SHANK2: variants seen among roughly 807,000 people sequenced by gnomAD.
The protein encoded by SHANK2 is SH3 and multiple ankyrin repeat domains 2.
SHANK2 carries 43 observed loss-of-function variants against 133.7 expected under a neutral mutation model. That is an observed-to-expected ratio of 0.32 (90% CI 0.25 to 0.41). The LOEUF is 0.41. SHANK2 is among the 10% of genes least tolerant of loss of function. The pLI, the probability that SHANK2 is intolerant of heterozygous loss-of-function variation, is 1.00. For missense variants in SHANK2, 1,994 were observed against 2,235.8 expected, an observed-to-expected ratio of 0.89 and a Z score of 2.18; for synonymous variants, 1,017 against 952.8, an observed-to-expected ratio of 1.07 and a Z score of -1.24.
intron 2 of SHANK2, among the ~76,000 whole-genome samples, chr11:71,190,571 G>T (rs1201854219): frequency 6.6e-6 from 1 of 152,212 alleles, no homozygotes; most frequent in African/African-American, 2.4e-5. Flanking sequence ...GAGAAAGTGC[G>T]TCACCACCCA....
At chr11:71,150,050 A>G (rs1383288263) in intron 2 of SHANK2, among the ~76,000 whole-genome samples, 1 of 838 alleles carries the variant, frequency 1.2e-3, no homozygotes, top group Non-Finnish European at 2.1e-3. Flanking sequence ...GGGAGAGGAA[A>G]GGAGGGAGGG....
intron 2 of SHANK2, among the ~76,000 whole-genome samples, chr11:71,214,044 C>T (rs1328818601): frequency 6.6e-6 from 1 of 152,140 alleles, no homozygotes; most frequent in African/African-American, 2.4e-5. Context: ...GCAAAGACCT[C>T]CCCTACAGCC....
intron 17 of SHANK2, among the ~76,000 whole-genome samples, chr11:70,533,767 C>T (rs1383145139): frequency 6.6e-6 from 1 of 152,108 alleles, no homozygotes; most frequent in African/African-American, 2.4e-5. Context: ...AAACCCCCTA[C>T]CCATTAGCAG....
At chr11:70,690,335 G>A (rs1555020645) in intron 15 of SHANK2, among the ~76,000 whole-genome samples, 2 of 151,752 alleles carry the variant, frequency 1.3e-5, no homozygotes, top group African/African-American at 2.4e-5. Flanking sequence ...CTAATATTAA[G>A]CTGAAATGTA....
Position 70,487,870 on chromosome 11 carries a change from G to A in SHANK2, c.2573-150C>T. 1.4e-6 allele frequency: 2 copies of A among 1,480,486 alleles called. No individual in the cohort carries two copies. Among genetic ancestry groups the A allele is most frequent in the Non-Finnish European group, 1.8e-6 (2 of 1,092,242 alleles). 91.7% of individuals were successfully genotyped at this position (1,480,486 alleles called of 1,614,324 possible). A position where few individuals can be genotyped will look rare whatever the true frequency, so the allele number is the denominator to read the frequency against. ...AACACAGCACAAGCCACGATGCCGA[G>A]TGGTTAGTCACATGGCCCGTCGTGA... On this transcript the variant is annotated intron_variant, in intron 24 of 25. Coordinates refer to ENST00000601538, the MANE Select transcript of SHANK2 (RefSeq NM_012309.5). The surrounding 1 kb of genome is among the most constrained non-coding windows in gnomAD (Gnocchi z 5.8).
intron 17 of SHANK2, among the ~76,000 whole-genome samples, chr11:70,544,900 G>A (rs1554975933): frequency 6.6e-6 from 1 of 152,236 alleles, no homozygotes; most frequent in Admixed American, 6.5e-5. Context: ...GAGCCCACGT[G>A]AGCACCAAGG....
chr11:70,776,716 G>A (rs1947371400), intron 14 of SHANK2, among the ~76,000 whole-genome samples: 1 of 144,774 alleles, frequency 6.9e-6, no homozygotes, highest in Admixed American at 6.8e-5. Context: ...ACCTAACTGG[G>A]TGGGTCTTAC....
chr11:70,930,112 A>G lies in SHANK2; in HGVS notation c.1108-33545T>C, dbSNP rs147664192. Among the ~76,000 whole-genome samples the G allele has an allele frequency of 1.6e-4, 25 of 152,342 alleles. No individual in the cohort carries two copies. In the East Asian group the frequency reaches 4.8e-3, roughly 29 times the overall value. ...CCAGAAAATTTTTATTTACAAAGATAAGGCTACGGGCCAAGTGCAGGACCT... is the reference window on the plus strand; with the variant it reads ...CCAGAAAATTTTTATTTACAAAGATGAGGCTACGGGCCAAGTGCAGGACCT... On this transcript the variant is annotated intron_variant, in intron 10 of 25. Transcript: ENST00000601538.
At chr11:70,866,364 T>C (rs1949359450) in intron 11 of SHANK2, among the ~76,000 whole-genome samples, 1 of 152,126 alleles carries the variant, frequency 6.6e-6, no homozygotes. Flanking sequence ...GAACCGAGAC[T>C]CATTTTTGAG....
At position 70,490,371 on chromosome 11, in the gene SHANK2, T is replaced by G. The variant is rs1555155500; in HGVS notation, c.2456A>C (p.Gln819Pro). ...GSDMNSVYERQGIAVMTPTVP... is the reference protein window; with the variant it reads ...GSDMNSVYERPGIAVMTPTVP... ...AGTGGGCGTCATCACGGCGATTCCT[T>G]GGCGTTCGTACACAGACTGCAAACC... The change falls in exon 23 of 26, where the codon CAA becomes CCA. Residue 819 changes from glutamine (Q) to proline (P), a missense_variant. Coordinates refer to ENST00000601538, the MANE Select transcript of SHANK2 (RefSeq NM_012309.5). The G allele has an allele frequency of 6.2e-7, 1 of 1,614,148 alleles. No homozygotes were observed. The highest frequency in any genetic ancestry group is 1.1e-5 in the South Asian group (1 of 91,088).
chr11:70,471,584 C>G lies in SHANK2; in HGVS notation c.*1285G>C. 1 of 395,586 alleles carries G rather than the reference C, an allele frequency of 2.5e-6. No homozygotes were observed. The highest frequency in any genetic ancestry group is 4.4e-6 in the Non-Finnish European group (1 of 224,768). 24.5% of individuals were successfully genotyped at this position (395,586 alleles called of 1,614,324 possible). A position where few individuals can be genotyped will look rare whatever the true frequency, so the allele number is the denominator to read the frequency against. ...CTCTGCTTTCACTCTGATCCTGCCG[C>G]CCACCTTCTGTTCTCAACCCTGGGT... On this transcript the variant is annotated 3_prime_UTR_variant, in exon 26 of 26. Transcript: ENST00000601538. The surrounding 1 kb of genome is among the most constrained non-coding windows in gnomAD (Gnocchi z 4.1).
At chr11:71,167,762 A>G (rs1590980792) in intron 2 of SHANK2, among the ~76,000 whole-genome samples, 1 of 117,288 alleles carries the variant, frequency 8.5e-6, no homozygotes, top group Non-Finnish European at 1.8e-5. Flanking sequence ...GGCGTCCCTC[A>G]CCTCCCGGAC....
intron 15 of SHANK2, among the ~76,000 whole-genome samples, chr11:70,666,483 A>C (rs534201715): frequency 7.9e-5 from 12 of 152,266 alleles, no homozygotes; most frequent in African/African-American, 2.9e-4. Flanking sequence ...TCTAAAACCT[A>C]TCCCAGGATG....
intron 3 of SHANK2, among the ~76,000 whole-genome samples, chr11:71,144,571 G>A (rs1952611419): frequency 6.6e-6 from 1 of 152,156 alleles, no homozygotes; most frequent in Admixed American, 6.5e-5. Flanking sequence ...AAGCATCTAT[G>A]TGTTAAGTGC....
At chr11:71,194,949 C>T (rs868924600) in intron 2 of SHANK2, among the ~76,000 whole-genome samples, 15 of 152,308 alleles carry the variant, frequency 9.8e-5, no homozygotes, top group Admixed American at 2.6e-4. Context: ...CTGCTTCCTT[C>T]GTGGGTTAAT....
At chr11:70,741,606 G>A (rs567179119) in intron 14 of SHANK2, among the ~76,000 whole-genome samples, 1 of 152,268 alleles carries the variant, frequency 6.6e-6, no homozygotes, top group South Asian at 2.1e-4. Context: ...GGTACCCTGT[G>A]TGTCCTCCCC....
At chr11:70,951,449 G>A (rs1177607122) in intron 10 of SHANK2, among the ~76,000 whole-genome samples, 3 of 134,620 alleles carry the variant, frequency 2.2e-5, no homozygotes, top group African/African-American at 3.4e-5. Flanking sequence ...GCTGTGTGGT[G>A]ATGTCATAAA....
At chr11:70,684,194 G>A (rs1945093887) in intron 15 of SHANK2, among the ~76,000 whole-genome samples, 1 of 152,090 alleles carries the variant, frequency 6.6e-6, no homozygotes, top group South Asian at 2.1e-4. Flanking sequence ...GGTCTTCACT[G>A]TCCCCGTCCC....
At chr11:70,782,234 T>A (rs1424981643) in intron 14 of SHANK2, among the ~76,000 whole-genome samples, 2 of 152,186 alleles carry the variant, frequency 1.3e-5, no homozygotes, top group African/African-American at 4.8e-5. Context: ...CTGGCTAATT[T>A]TTAATAGAGA....
Sources: gnomAD v4.1 joint callset for allele counts (sites outside exome capture counted in the v4.1 genomes callset) on GRCh38, gnomAD v4.1.1 for gene constraint, Gnocchi (gnomAD v3.1) non-coding constraint, MANE v1.5 for transcripts, NCBI Gene and HGNC (gene_info 2026-07-23, HGNC 2026-07-21) for gene names.